The following DRC11 variants were observed in gnomAD, a reference collection of about 807,000 sequenced individuals.
DRC11 encodes the protein dynein regulatory complex subunit 11.
chr2:236,357,311 C>CTA, the DRC11 span, among the ~76,000 whole-genome samples: 3 of 114,550 alleles, frequency 2.6e-5, no homozygotes, highest in African/African-American at 3.8e-5. Flanking sequence ...TCATATAGAT[C>CTA]TATATATTAT....
At chr2:236,361,008 AAAAC>A in the DRC11 span, among the ~76,000 whole-genome samples, 1 of 152,210 alleles carries the variant, frequency 6.6e-6, no homozygotes, top group Non-Finnish European at 1.5e-5. This position sits in a 1 kb window ranked among gnomAD's most constrained non-coding sequence, Gnocchi z 5.7. Context: ...AATCAGATGA[AAAAC>A]AGAGAAATGT....
the DRC11 span, among the ~76,000 whole-genome samples, chr2:236,357,705 T>G: frequency 8.3e-6 from 1 of 119,838 alleles, no homozygotes; most frequent in Non-Finnish European, 1.6e-5. Flanking sequence ...ATCTGATATG[T>G]AAATATGTAT....
chr2:236,386,405 C>G, the DRC11 span, among the ~76,000 whole-genome samples: 1 of 152,082 alleles, frequency 6.6e-6, no homozygotes, highest in Admixed American at 6.5e-5. Context: ...ATGTATGTGT[C>G]CAGGAATTTA....
chr2:236,483,797 C>A, the DRC11 span, among the ~76,000 whole-genome samples: 1 of 152,140 alleles, frequency 6.6e-6, no homozygotes, highest in Non-Finnish European at 1.5e-5. The surrounding 1 kb of genome is among the most constrained non-coding windows in gnomAD (Gnocchi z 4.8). Flanking sequence ...ATGGCAATAT[C>A]CTGAAAATTG....
At chr2:236,449,770 C>T in the DRC11 span, among the ~76,000 whole-genome samples, 1 of 152,194 alleles carries the variant, frequency 6.6e-6, no homozygotes, top group Admixed American at 6.5e-5. The surrounding 1 kb of genome is among the most constrained non-coding windows in gnomAD (Gnocchi z 5.1). Flanking sequence ...AATTGAGACG[C>T]CTTACATGTG....
At chr2:236,317,803 A>G in the DRC11 span, among the ~76,000 whole-genome samples, 1 of 152,210 alleles carries the variant, frequency 6.6e-6, no homozygotes, top group African/African-American at 2.4e-5. The surrounding 1 kb of genome is among the most constrained non-coding windows in gnomAD (Gnocchi z 5.4). Context: ...GTCTCCTCCA[A>G]AACTCATGGC....
the DRC11 span, among the ~76,000 whole-genome samples, chr2:236,360,229 C>G: frequency 9.9e-4 from 150 of 152,244 alleles, 4 homozygotes; most frequent in East Asian, 0.027. The surrounding 1 kb of genome is among the most constrained non-coding windows in gnomAD (Gnocchi z 5.8). Flanking sequence ...AACTTGGAGG[C>G]TCTGGAGCCA....
chr2:236,426,604 G>C, the DRC11 span, among the ~76,000 whole-genome samples: 1 of 152,106 alleles, frequency 6.6e-6, no homozygotes, highest in African/African-American at 2.4e-5. The surrounding 1 kb of genome is among the most constrained non-coding windows in gnomAD (Gnocchi z 4.1). Context: ...ACAGGGTCTT[G>C]CTATGTTGCC....
the DRC11 span, among the ~76,000 whole-genome samples, chr2:236,505,487 GC>G: frequency 6.6e-6 from 1 of 152,000 alleles, no homozygotes; most frequent in Admixed American, 6.5e-5. Context: ...TACCCCCAGA[GC>G]CCTCTGTCTC....
the DRC11 span, chr2:236,332,583 C>A: frequency 1.3e-5 from 2 of 152,228 alleles, no homozygotes; most frequent in Admixed American, 6.5e-5. The surrounding 1 kb of genome is among the most constrained non-coding windows in gnomAD (Gnocchi z 5.1). Context: ...ATGACCATGA[C>A]TACCTGATCT....
the DRC11 span, among the ~76,000 whole-genome samples, chr2:236,429,076 G>A: frequency 6.6e-6 from 1 of 152,202 alleles, no homozygotes; most frequent in Non-Finnish European, 1.5e-5. The surrounding 1 kb of genome is among the most constrained non-coding windows in gnomAD (Gnocchi z 5.9). Flanking sequence ...CTTTGGTAAG[G>A]AAAGACCTTC....
At chr2:236,378,190 A>G in the DRC11 span, among the ~76,000 whole-genome samples, 1 of 152,208 alleles carries the variant, frequency 6.6e-6, no homozygotes, top group African/African-American at 2.4e-5. Context: ...TTAAAGTAGT[A>G]TGCCCTCTGC....
chr2:236,345,672 C>T, the DRC11 span, among the ~76,000 whole-genome samples: 1 of 152,154 alleles, frequency 6.6e-6, no homozygotes, highest in African/African-American at 2.4e-5. Flanking sequence ...TGGGACTTAC[C>T]CTGGGCCCAT....
chr2:236,310,211 C>G, the DRC11 span, among the ~76,000 whole-genome samples: 12,925 of 152,146 alleles, frequency 0.085, 1,265 homozygotes, highest in East Asian at 0.24. The surrounding 1 kb of genome is among the most constrained non-coding windows in gnomAD (Gnocchi z 5.5). Flanking sequence ...CTACACTCCT[C>G]CCTTTCCTGG....
chr2:236,493,658 T>C, the DRC11 span: 16 of 897,870 alleles, frequency 1.8e-5, no homozygotes, highest in African/African-American at 1.4e-4. Context: ...GGAGGGATCA[T>C]TCTCTGCTTA....
At chr2:236,412,857 G>T in the DRC11 span, 1 of 152,342 alleles carries the variant, frequency 6.6e-6, no homozygotes, top group African/African-American at 2.4e-5. Flanking sequence ...CAGAGTTTGG[G>T]TCACTCTAGC....
chr2:236,347,135 T>C, the DRC11 span, among the ~76,000 whole-genome samples: 2,584 of 152,340 alleles, frequency 0.017, 87 homozygotes, highest in African/African-American at 0.06. Context: ...CTTGGCTGAC[T>C]GCAACCTAGA....
the DRC11 span, among the ~76,000 whole-genome samples, chr2:236,483,783 T>C: frequency 6.6e-6 from 1 of 152,204 alleles, no homozygotes; most frequent in Non-Finnish European, 1.5e-5. The surrounding 1 kb of genome is among the most constrained non-coding windows in gnomAD (Gnocchi z 4.8). Flanking sequence ...CTGATGAATA[T>C]TACATGGCAA....
chr2:236,500,381 G>A, the DRC11 span, among the ~76,000 whole-genome samples: 2 of 152,110 alleles, frequency 1.3e-5, no homozygotes, highest in Non-Finnish European at 2.9e-5. The surrounding 1 kb of genome is among the most constrained non-coding windows in gnomAD (Gnocchi z 6.3). Context: ...CAGGGAGAAA[G>A]CAGACGAGGA....
Sources: gnomAD v4.1 joint callset for allele counts (sites outside exome capture counted in the v4.1 genomes callset) on GRCh38, gnomAD v4.1.1 for gene constraint, Gnocchi (gnomAD v3.1) non-coding constraint, MANE v1.5 for transcripts, NCBI Gene and HGNC (gene_info 2026-07-23, HGNC 2026-07-21) for gene names.